The following NRG3 variants were observed in gnomAD, a reference collection of about 807,000 sequenced individuals.
NRG3 encodes neuregulin 3.
In NRG3, 31 loss-of-function variants were observed where a neutral mutation model predicts 66.9. The ratio of observed to expected loss-of-function variants is 0.46; its 90% CI spans 0.35 to 0.63. NRG3 has a LOEUF of 0.63. Among genes scored for constraint, NRG3 ranks in the 20% least tolerant of loss-of-function variants. NRG3 has a pLI of 0.00. For missense variants in NRG3, 910 were observed against 878.9 expected, an observed-to-expected ratio of 1.04 and a Z score of -0.45; for synonymous variants, 393 against 359.4, an observed-to-expected ratio of 1.09 and a Z score of -1.06.
chr10:82,203,474 C>A (rs1188407983), intron 1 of NRG3, among the ~76,000 whole-genome samples: 1 of 152,058 alleles, frequency 6.6e-6, no homozygotes, highest in Non-Finnish European at 1.5e-5. Flanking sequence ...TATGGAAGGT[C>A]AGTTCACTGT....
At chr10:82,880,337 G>A (rs571244145) in intron 4 of NRG3, among the ~76,000 whole-genome samples, 57 of 152,186 alleles carry the variant, frequency 3.7e-4, no homozygotes, top group African/African-American at 1.2e-3. Flanking sequence ...TTTAGAGTGC[G>A]CACGAGTGAG....
chr10:82,976,164 T>A (rs912912258), intron 7 of NRG3, among the ~76,000 whole-genome samples: 2 of 152,140 alleles, frequency 1.3e-5, no homozygotes, highest in African/African-American at 4.8e-5. Context: ...CAAGGGATTC[T>A]CTTGCCTCAG....
At chr10:82,407,536 AAAG>A (rs1173062241) in intron 2 of NRG3, among the ~76,000 whole-genome samples, 2 of 152,184 alleles carry the variant, frequency 1.3e-5, no homozygotes, top group African/African-American at 2.4e-5. Context: ...TGTCCCTCAT[AAAG>A]AAGGTGTGAA....
chr10:81,904,006 T>TG (rs1844350449), intron 1 of NRG3, among the ~76,000 whole-genome samples: 2 of 136,818 alleles, frequency 1.5e-5, no homozygotes, highest in African/African-American at 6.0e-5. Flanking sequence ...ATTTTTTTTT[T>TG]TTGTTTGTTT....
chr10:82,552,152 A>G (rs896291181), intron 2 of NRG3, among the ~76,000 whole-genome samples: 1 of 152,128 alleles, frequency 6.6e-6, no homozygotes, highest in African/African-American at 2.4e-5. Context: ...AAATGGTGAT[A>G]TTCAAAATCC....
intron 5 of NRG3, among the ~76,000 whole-genome samples, chr10:82,953,638 A>G (rs1001434916): frequency 1.3e-5 from 2 of 151,978 alleles, no homozygotes; most frequent in African/African-American, 4.9e-5. Flanking sequence ...TAAAATATGA[A>G]CAAGTATAAT....
rs11818254 is a variant in NRG3 at position 82,860,619 on chromosome 10, G to A, written c.1028-4792G>A. Among the ~76,000 whole-genome samples, 10 of 152,270 alleles carry A rather than the reference G, an allele frequency of 6.6e-5. No individual in the cohort carries two copies. In the East Asian group the frequency reaches 1.4e-3, roughly 21 times the overall value. On this transcript the variant is annotated intron_variant, in intron 3 of 8. Transcript: ENST00000372141. ...TAATATTTAAAGCAGTTCCTGGTAC[G>A]CAGTAAGTGCTCAGTAAATGTTACC...
intron 3 of NRG3, among the ~76,000 whole-genome samples, chr10:82,788,900 A>G (rs1236929379): frequency 1.3e-5 from 2 of 152,130 alleles, no homozygotes; most frequent in African/African-American, 2.4e-5. Context: ...TTGCAAAATA[A>G]TATCCTAATG....
intron 1 of NRG3, among the ~76,000 whole-genome samples, chr10:82,349,298 C>A (rs1293812000): frequency 5.3e-5 from 8 of 152,066 alleles, no homozygotes; most frequent in East Asian, 3.9e-4. Context: ...GGACCCTCAG[C>A]TGCAGGTCTG....
chr10:81,929,044 C>G (rs1847088624), intron 1 of NRG3, among the ~76,000 whole-genome samples: 8 of 152,074 alleles, frequency 5.3e-5, no homozygotes, highest in Admixed American at 5.2e-4. Flanking sequence ...CCCAGTCTGT[C>G]TTGAACTTCT....
chr10:82,516,455 G>A (rs1565014998), intron 2 of NRG3, among the ~76,000 whole-genome samples: 1 of 152,080 alleles, frequency 6.6e-6, no homozygotes, highest in Non-Finnish European at 1.5e-5. Flanking sequence ...TAAGTATAAG[G>A]AACTGAACTG....
intron 4 of NRG3, among the ~76,000 whole-genome samples, chr10:82,918,799 CT>C (rs1258457600): frequency 6.6e-6 from 1 of 152,158 alleles, no homozygotes; most frequent in East Asian, 1.9e-4. Context: ...ACAAGAAAAG[CT>C]GAATTATTGA....
intron 4 of NRG3, among the ~76,000 whole-genome samples, chr10:82,923,934 T>C (rs1846715769): frequency 5.3e-5 from 8 of 150,966 alleles, no homozygotes; most frequent in Admixed American, 5.3e-4. Context: ...CCATCTCTAC[T>C]AAAAAATACA....
intron 1 of NRG3, among the ~76,000 whole-genome samples, chr10:82,029,855 G>T (rs2062481917): frequency 6.6e-6 from 1 of 151,978 alleles, no homozygotes; most frequent in Non-Finnish European, 1.5e-5. Flanking sequence ...CATTTTGAAT[G>T]GCTTACTTGA....
At chr10:82,743,431 C>T (rs1247331405) in intron 3 of NRG3, among the ~76,000 whole-genome samples, 1 of 152,132 alleles carries the variant, frequency 6.6e-6, no homozygotes, top group East Asian at 1.9e-4. Flanking sequence ...CATCAGCCCA[C>T]TGGGTTTGTG....
intron 3 of NRG3, among the ~76,000 whole-genome samples, chr10:82,830,015 T>A (rs1245714459): frequency 2.0e-5 from 3 of 152,192 alleles, no homozygotes; most frequent in Non-Finnish European, 2.9e-5. Context: ...ATCAGAGAGC[T>A]GAGTTCCGTA....
intron 4 of NRG3, among the ~76,000 whole-genome samples, chr10:82,880,733 C>A (rs1337892067): frequency 1.3e-5 from 2 of 152,256 alleles, no homozygotes; most frequent in East Asian, 1.9e-4. Flanking sequence ...ATGCAGGACA[C>A]CCACATAAAT....
chr10:82,315,105 G>A lies in NRG3; in HGVS notation c.824-43634G>A, dbSNP rs1348759162. On this transcript the variant is annotated intron_variant, in intron 1 of 8. Coordinates refer to ENST00000372141, the MANE Select transcript of NRG3 (RefSeq NM_001010848.4). ...ATCAGCATAATGCAATTTCCATACT[G>A]TATTTATGGTCCATGGTTAAAATGA... 2.2e-4 allele frequency among the ~76,000 whole-genome samples: 34 copies of A among 152,042 alleles called. 1 individual carries two copies. The highest frequency in any genetic ancestry group is 2.2e-3 in the Admixed American group (34 of 15,270).
intron 1 of NRG3, among the ~76,000 whole-genome samples, chr10:82,102,529 C>T (rs1476444219): frequency 6.6e-6 from 1 of 150,958 alleles, no homozygotes; most frequent in East Asian, 1.9e-4. Flanking sequence ...ATTTTTGTTC[C>T]AGTGTTCCCA....
Sources: gnomAD v4.1 joint callset for allele counts (sites outside exome capture counted in the v4.1 genomes callset) on GRCh38, gnomAD v4.1.1 for gene constraint, MANE v1.5 for transcripts, NCBI Gene and HGNC (gene_info 2026-07-23, HGNC 2026-07-21) for gene names.